The following ZDHHC3 variants were observed in gnomAD, a reference collection of about 807,000 sequenced individuals.
ZDHHC3 encodes zDHHC palmitoyltransferase 3.
Under a neutral mutation model 30.6 loss-of-function variants are expected in ZDHHC3, and 9 were observed. The observed-to-expected ratio is 0.29, with a 90% CI of 0.18 to 0.51. ZDHHC3 has a LOEUF of 0.51. Ranked by LOEUF, ZDHHC3 falls within the 20% of genes least tolerant of loss-of-function variation. The pLI, the probability that ZDHHC3 is intolerant of heterozygous loss-of-function variation, is 0.97. For missense variants in ZDHHC3, 246 were observed against 384.2 expected, an observed-to-expected ratio of 0.64 and a Z score of 3.01; for synonymous variants, 136 against 140.2, an observed-to-expected ratio of 0.97 and a Z score of 0.21.
Position 44,922,657 on chromosome 3 carries a change from C to T in ZDHHC3, c.*4032G>A. ...GGGACCACCTGAGGGGGGACTCCTG[C>T]TAGCCCCAACTGGATTCTCAAACTT... On this transcript the variant is annotated 3_prime_UTR_variant, in exon 7 of 7. Transcript: ENST00000424952. 1.0e-6 allele frequency: 1 copy of T among 985,374 alleles called. No individual in the cohort carries two copies. 61.0% of individuals were successfully genotyped at this position (985,374 alleles called of 1,614,324 possible).
chr3:44,925,326 C>A lies in ZDHHC3; in HGVS notation c.*1363G>T. On this transcript the variant is annotated 3_prime_UTR_variant, in exon 7 of 7. Transcript: ENST00000424952. ...GGATTGAATAAACCTTAACTCCTAC[C>A]CCCACCCCAAGCAAAAGCTAAAAAA... 1 of 985,872 alleles carries A rather than the reference C, an allele frequency of 1.0e-6. No individual in the cohort carries two copies. Among genetic ancestry groups the A allele is most frequent in the Non-Finnish European group, 1.2e-6 (1 of 829,934 alleles). 61.1% of individuals were successfully genotyped at this position (985,872 alleles called of 1,614,324 possible).
intron 1 of ZDHHC3, among the ~76,000 whole-genome samples, chr3:44,974,765 A>G (rs756061253): frequency 1.3e-5 from 2 of 152,190 alleles, no homozygotes; most frequent in Non-Finnish European, 2.9e-5. Context: ...CTGATCATCA[A>G]TTTTGGAGCT....
chr3:44,968,175 A>G (rs1013294724), intron 1 of ZDHHC3, among the ~76,000 whole-genome samples: 3 of 152,092 alleles, frequency 2.0e-5, no homozygotes, highest in Non-Finnish European at 4.4e-5. Context: ...ATGCACAAGC[A>G]GGAAATAGGA....
chr3:44,958,293 A>G (rs1704131706), intron 2 of ZDHHC3, among the ~76,000 whole-genome samples: 1 of 152,196 alleles, frequency 6.6e-6, no homozygotes, highest in Admixed American at 6.5e-5. Context: ...CAGGCCCATT[A>G]TCATCATCAC....
rs1575739072 is a variant in ZDHHC3 at position 44,917,465 on chromosome 3, T to G, written c.*9224A>C. The G allele has an allele frequency of 5.1e-6, 1 of 195,872 alleles. No homozygotes were observed. The highest frequency in any genetic ancestry group is 1.2e-4 in the East Asian group (1 of 8,228). The allele number at this position is 195,872 out of a possible 1,614,324, so 12.1% of individuals were successfully genotyped here. On this transcript the variant is annotated 3_prime_UTR_variant, in exon 7 of 7. Transcript: ENST00000424952. ...CCTGCCCGGTCCTTCTGTCACAACC[T>G]TACTTCTCAAAGCCAGGAGCCAGGG...
At chr3:44,938,008 G>A in intron 3 of ZDHHC3, 1 of 404,116 alleles carries the variant, frequency 2.5e-6, no homozygotes, top group Admixed American at 2.7e-5. Flanking sequence ...TTTGGAGACA[G>A]AGTCTCGCTC....
At position 44,920,202 on chromosome 3, in the gene ZDHHC3, G is replaced by A; in HGVS notation, c.*6487C>T. ...CAAGTCTAAAGGGACCTTCATGTGGGTCATGAGCATGTGATGCCATGCTGC... is the reference window on the plus strand; with the variant it reads ...CAAGTCTAAAGGGACCTTCATGTGGATCATGAGCATGTGATGCCATGCTGC... On this transcript the variant is annotated 3_prime_UTR_variant, in exon 7 of 7. Transcript: ENST00000424952. The A allele has an allele frequency of 3.9e-6, 5 of 1,289,928 alleles. No individual in the cohort carries two copies. Among genetic ancestry groups the A allele is most frequent in the Non-Finnish European group, 5.1e-6 (5 of 988,876 alleles). The allele number at this position is 1,289,928 out of a possible 1,614,324, so 79.9% of individuals were successfully genotyped here.
intron 3 of ZDHHC3, among the ~76,000 whole-genome samples, chr3:44,935,395 G>A (rs770351869): frequency 2.2e-4 from 34 of 152,088 alleles, no homozygotes; most frequent in Admixed American, 1.4e-3. Flanking sequence ...TCAGCCTCCC[G>A]AACAGCTGGG....
Position 44,918,490 on chromosome 3 carries a change from G to T in ZDHHC3, c.*8199C>A. 2.0e-6 allele frequency: 2 copies of T among 985,410 alleles called. No homozygotes were observed. The highest frequency in any genetic ancestry group is 2.4e-6 in the Non-Finnish European group (2 of 829,922). 61.0% of individuals were successfully genotyped at this position (985,410 alleles called of 1,614,324 possible). The stretch of plus-strand genomic sequence containing the variant: ...GGGGCTAGGCTGATGAGTGGCTGAG[G>T]CATAAGGGGGACCACACATCCTCTG... On this transcript the variant is annotated 3_prime_UTR_variant, in exon 7 of 7. Transcript: ENST00000424952.
At chr3:44,961,578 G>A (rs1704486014) in intron 1 of ZDHHC3, among the ~76,000 whole-genome samples, 2 of 152,170 alleles carry the variant, frequency 1.3e-5, no homozygotes, top group African/African-American at 4.8e-5. Flanking sequence ...AAACAGGACA[G>A]TAGAAGATCG....
At position 44,924,677 on chromosome 3, in the gene ZDHHC3, A is replaced by G. The variant is rs1425317116; in HGVS notation, c.*2012T>C. 1 of 985,448 alleles carries G rather than the reference A, an allele frequency of 1.0e-6. No homozygotes were observed. The highest frequency in any genetic ancestry group is 1.2e-6 in the Non-Finnish European group (1 of 829,928). The allele number at this position is 985,448 out of a possible 1,614,324, so 61.0% of individuals were successfully genotyped here. Reference sequence around the variant, plus strand: ...TGCCCTGGAAGATGGAGTATTACCAATCTCTTCCCCCTAGGGGAGGGCCAG... The same window carrying G: ...TGCCCTGGAAGATGGAGTATTACCAGTCTCTTCCCCCTAGGGGAGGGCCAG... On this transcript the variant is annotated 3_prime_UTR_variant, in exon 7 of 7. Transcript: ENST00000424952.
chr3:44,952,343 C>G (rs1703537285), intron 2 of ZDHHC3, among the ~76,000 whole-genome samples: 1 of 152,188 alleles, frequency 6.6e-6, no homozygotes, highest in Non-Finnish European at 1.5e-5. Context: ...CTTAGTTCAG[C>G]CCATCATCAT....
chr3:44,923,592 G>A lies in ZDHHC3; in HGVS notation c.*3097C>T, dbSNP rs7610994. 422 of 965,090 alleles carry A rather than the reference G, an allele frequency of 4.4e-4. 1 individual carries two copies. In the African/African-American group the frequency reaches 6.7e-3, roughly 15 times the overall value. 59.8% of individuals were successfully genotyped at this position (965,090 alleles called of 1,614,324 possible). A position where few individuals can be genotyped will look rare whatever the true frequency, so the allele number is the denominator to read the frequency against. ...TAAGGCAGGAAAATTGCTGGAGGCC[G>A]GGCATTTGAGACTAGCTAGGGCAAC... On this transcript the variant is annotated 3_prime_UTR_variant, in exon 7 of 7. Coordinates refer to ENST00000424952, the MANE Select transcript of ZDHHC3 (RefSeq NM_001135179.2).
At position 44,918,042 on chromosome 3, in the gene ZDHHC3, G is replaced by C. The variant is rs1361097944; in HGVS notation, c.*8647C>G. On this transcript the variant is annotated 3_prime_UTR_variant, in exon 7 of 7. Transcript: ENST00000424952. Reference sequence around the variant, plus strand: ...GCTGACACGGTCTGGAGAAGGGGTTGAACCAGTTCAGGGAGAAGTCCCCAC... The same window carrying C: ...GCTGACACGGTCTGGAGAAGGGGTTCAACCAGTTCAGGGAGAAGTCCCCAC... 7.7e-7 allele frequency: 1 copy of C among 1,305,330 alleles called. No individual in the cohort carries two copies. Among genetic ancestry groups the C allele is most frequent in the African/African-American group, 1.5e-5 (1 of 65,866 alleles). 80.9% of individuals were successfully genotyped at this position (1,305,330 alleles called of 1,614,324 possible).
chr3:44,948,957 G>A (rs1289931544), intron 2 of ZDHHC3, among the ~76,000 whole-genome samples: 1 of 152,256 alleles, frequency 6.6e-6, no homozygotes, highest in Non-Finnish European at 1.5e-5. Context: ...AGGAGACAAG[G>A]AGGCAATGAG....
At chr3:44,928,108 G>A (rs1348502201) in intron 6 of ZDHHC3, among the ~76,000 whole-genome samples, 2 of 152,178 alleles carry the variant, frequency 1.3e-5, no homozygotes, top group African/African-American at 4.8e-5. Context: ...CGGGTTCCCC[G>A]TATATCTTAC....
In ZDHHC3 at chr3:44,920,797, T is replaced by C. The variant is rs1266641892; in HGVS notation, c.*5892A>G. On this transcript the variant is annotated 3_prime_UTR_variant, in exon 7 of 7. Transcript: ENST00000424952. ...ATACTCAACCTCCTCACCAACCTCA[T>C]AAAGTATTCCAGACAGAGCCTGGCC... 3.0e-6 allele frequency: 3 copies of C among 985,352 alleles called. No homozygotes were observed. Among genetic ancestry groups the C allele is most frequent in the Non-Finnish European group, 3.6e-6 (3 of 829,918 alleles). 61.0% of individuals were successfully genotyped at this position (985,352 alleles called of 1,614,324 possible).
chr3:44,975,944 A>C lies in ZDHHC3; in HGVS notation c.-36T>G. The C allele has an allele frequency of 4.1e-6, 1 of 243,304 alleles. No homozygotes were observed. The highest frequency in any genetic ancestry group is 8.6e-5 in the East Asian group (1 of 11,592). The allele number at this position is 243,304 out of a possible 1,614,324, so 15.1% of individuals were successfully genotyped here. On this transcript the variant is annotated 5_prime_UTR_variant, in exon 1 of 7. Transcript: ENST00000424952. ...CCTTCCCAACTGACCGTGAAGCCGG[A>C]GGCAGTTCCCCAGTCCCAGACCCCG... is the stretch of plus-strand genomic sequence containing the variant.
At chr3:44,961,559 T>C (rs1704484080) in intron 1 of ZDHHC3, among the ~76,000 whole-genome samples, 1 of 152,190 alleles carries the variant, frequency 6.6e-6, no homozygotes, top group African/African-American at 2.4e-5. Flanking sequence ...GCCCACCTTC[T>C]GAAGCACCAA....
Sources: allele counts gnomAD v4.1 joint callset (sites outside exome capture counted in the v4.1 genomes callset), GRCh38; gene constraint gnomAD v4.1.1; transcripts MANE v1.5; gene names NCBI Gene and HGNC (gene_info 2026-07-23, HGNC 2026-07-21).